HSPG2: variants seen among roughly 807,000 people sequenced by gnomAD.
The protein encoded by HSPG2 is heparan sulfate proteoglycan 2, also known as basement membrane-specific heparan sulfate proteoglycan core protein.
Under a neutral mutation model 526.6 loss-of-function variants are expected in HSPG2, and 278 were observed. The observed-to-expected ratio is 0.53, with a 90% confidence interval of 0.48 to 0.58. HSPG2 has a LOEUF of 0.58. Ranked by LOEUF, HSPG2 falls within the 20% of genes least tolerant of loss-of-function variation. The probability of loss-of-function intolerance (pLI) is 0.00; values close to 1 mark genes in which losing one functional copy is unlikely to be tolerated. For missense variants in HSPG2, 5,354 were observed against 6,099.5 expected (o/e 0.88, Z 4.07); for synonymous variants, 2,465 against 2,555.4 (o/e 0.96, Z 1.07).
chr1:21,932,649 AAG>A (rs1218239051), intron 1 of HSPG2, among the ~76,000 whole-genome samples: 1 of 152,214 alleles, frequency 6.6e-6, no homozygotes, highest in African/African-American at 2.4e-5. Flanking sequence ...CCATTATGGG[AAG>A]AGTGGTAAGG....
chr1:21,875,102 C>T (rs1640947753), intron 25 of HSPG2, 100 bp from the exon 26 acceptor site: 1 of 875,618 alleles, frequency 1.1e-6, no homozygotes, highest in African/African-American at 1.7e-5. Context: ...TCCCGACAGC[C>T]CTGTCACAGT....
intron 25 of HSPG2, among the ~76,000 whole-genome samples, chr1:21,875,393 G>T (rs895424762): frequency 6.6e-6 from 1 of 151,986 alleles, no homozygotes; most frequent in African/African-American, 2.4e-5. Flanking sequence ...CCCCCCTCCT[G>T]CGTCCCTCTC....
chr1:21,828,059 G>A lies in HSPG2; in HGVS notation c.12503C>T (p.Pro4168Leu). 1 of 1,613,638 alleles carries A rather than the reference G, an allele frequency of 6.2e-7. No homozygotes were observed. The highest frequency in any genetic ancestry group is 1.1e-5 in the South Asian group (1 of 91,088). Reference protein sequence around the residue: ...TCQGTRCLCLPGFSGPRCQQG... With the variant: ...TCQGTRCLCLLGFSGPRCQQG... ...TTGGCAGCGTGGGCCAGAGAAGCCAGGGAGGCAGAGGCAGCGGGTGCCCTG... is the reference window on the plus strand; with the variant it reads ...TTGGCAGCGTGGGCCAGAGAAGCCAAGGAGGCAGAGGCAGCGGGTGCCCTG... The change falls in exon 90 of 97, where the codon CCT (proline) becomes CTT (leucine). Residue 4168 changes from proline (P) to leucine (L), a missense_variant. Transcript: ENST00000374695. This position sits in a 1 kb window ranked among gnomAD's most constrained non-coding sequence, Gnocchi z 6.0.
chr1:21,914,967 T>C (rs1187517193), intron 1 of HSPG2, among the ~76,000 whole-genome samples: 3 of 152,230 alleles, frequency 2.0e-5, no homozygotes, highest in Admixed American at 6.5e-5. Context: ...CCACGGCCTC[T>C]GTCCTGCACT....
Position 21,865,034 on chromosome 1 carries a change from C to G in HSPG2, c.4435G>C (p.Glu1479Gln). ...TCGGCCAGTGCCATCAGGAGGTGCTCGCGTGTGGCCGGCTGCCCATCGGGC... is the reference window on the plus strand; with the variant it reads ...TCGGCCAGTGCCATCAGGAGGTGCTGGCGTGTGGCCGGCTGCCCATCGGGC... ...RRPDGQPATR[E>Q]HLLMALADLD... The change falls in exon 36 of 97, where the codon GAG becomes CAG. Residue 1479 changes from glutamate (E) to glutamine (Q), a missense_variant. Transcript: ENST00000374695. The surrounding 1 kb of genome is among the most constrained non-coding windows in gnomAD (Gnocchi z 5.4). 1 of 1,571,272 alleles carries G rather than the reference C, an allele frequency of 6.4e-7. No individual in the cohort carries two copies. Among genetic ancestry groups the G allele is most frequent in the Non-Finnish European group, 8.6e-7 (1 of 1,161,240 alleles).
intron 43 of HSPG2, 27 bp from the exon 44 acceptor site, chr1:21,857,222 T>A (rs1208877479): frequency 6.2e-7 from 1 of 1,613,892 alleles, no homozygotes; most frequent in Non-Finnish European, 8.5e-7. Flanking sequence ...AAGGGGGTCA[T>A]GGGTGGGGCT....
At chr1:21,838,683 C>T (rs908103463) in intron 74 of HSPG2, 142 bp downstream of exon 74, 22 of 856,558 alleles carry the variant, frequency 2.6e-5, no homozygotes, top group South Asian at 1.8e-4. Context: ...AAGCCTGCCT[C>T]GGGCCCTGGA....
intron 1 of HSPG2, among the ~76,000 whole-genome samples, chr1:21,916,608 C>T (rs374080812): frequency 6.6e-6 from 1 of 150,808 alleles, no homozygotes; most frequent in Non-Finnish European, 1.5e-5. Context: ...AGGAGAATTG[C>T]GTGAACCCAG....
chr1:21,824,650 C>T lies in HSPG2; in HGVS notation c.12666-35G>A, dbSNP rs1406570817. 2 of 1,613,482 alleles carry T rather than the reference C, an allele frequency of 1.2e-6. No homozygotes were observed. The highest frequency in any genetic ancestry group is 1.7e-6 in the Non-Finnish European group (2 of 1,179,756). On this transcript the variant is annotated intron_variant, in intron 92 of 96. Coordinates refer to ENST00000374695, the MANE Select transcript of HSPG2 (RefSeq NM_005529.7). The surrounding 1 kb of genome is among the most constrained non-coding windows in gnomAD (Gnocchi z 5.9). ...AAGAGCGGGTGAGGGGACAGAAGTC[C>T]CAGATTCCCATCCTCCCCATTAGGC...
intron 33 of HSPG2, among the ~76,000 whole-genome samples, chr1:21,867,451 T>C (rs1640330179): frequency 6.6e-6 from 1 of 152,186 alleles, no homozygotes; most frequent in African/African-American, 2.4e-5. Context: ...CTAGCTCTAC[T>C]GGCTATACAG....
intron 13 of HSPG2, 108 bp from the exon 14 acceptor site, chr1:21,881,610 AT>A: frequency 9.2e-7 from 1 of 1,090,024 alleles, no homozygotes; most frequent in Non-Finnish European, 1.3e-6. Flanking sequence ...TGGAAATTTG[AT>A]TTCGAGAAAA....
chr1:21,899,682 C>G (rs547978597), intron 1 of HSPG2, among the ~76,000 whole-genome samples: 1 of 152,224 alleles, frequency 6.6e-6, no homozygotes, highest in African/African-American at 2.4e-5. Flanking sequence ...CTGCATGCCA[C>G]TTTGCAATGC....
At position 21,865,680 on chromosome 1, in the gene HSPG2, C is replaced by T. The variant is rs763295004; in HGVS notation, c.4314+37G>A. On this transcript the variant is annotated intron_variant, in intron 34 of 96. Coordinates refer to ENST00000374695, the MANE Select transcript of HSPG2 (RefSeq NM_005529.7). The surrounding 1 kb of genome is among the most constrained non-coding windows in gnomAD (Gnocchi z 5.4). Reference sequence around the variant, plus strand: ...GAGGGTGCCCCTGGCTTCCATCCTGCCCTTCTGCCCACCCAGCATGGTGTC... The same window carrying T: ...GAGGGTGCCCCTGGCTTCCATCCTGTCCTTCTGCCCACCCAGCATGGTGTC... 23 of 1,528,140 alleles carry T rather than the reference C, an allele frequency of 1.5e-5. No individual in the cohort carries two copies. Among genetic ancestry groups the T allele is most frequent in the Non-Finnish European group, 1.8e-5 (20 of 1,102,214 alleles). 94.7% of individuals were successfully genotyped at this position (1,528,140 alleles called of 1,614,324 possible). A position where few individuals can be genotyped will look rare whatever the true frequency, so the allele number is the denominator to read the frequency against.
In HSPG2 at chr1:21,893,672, T is replaced by G. The variant is rs1572389795; in HGVS notation, c.244+2250A>C. Among the ~76,000 whole-genome samples the G allele has an allele frequency of 3.5e-5, 5 of 144,630 alleles. No homozygotes were observed. The highest frequency in any genetic ancestry group is 7.7e-5 in the African/African-American group (3 of 39,210). The allele number at this position is 144,630 out of a possible 152,430, so 94.9% of individuals were successfully genotyped here. On this transcript the variant is annotated intron_variant, in intron 3 of 96. Coordinates refer to ENST00000374695, the MANE Select transcript of HSPG2 (RefSeq NM_005529.7). This position sits in a 1 kb window ranked among gnomAD's most constrained non-coding sequence, Gnocchi z 4.3. ...CAGGGGCTGCCCTGAGCCTGCAGAG[T>G]AGAGACAGAGAAGGAGGCAAGAAGG...
rs747675148 is a variant in HSPG2 at position 21,842,816 on chromosome 1, T to C, written c.8864A>G (p.Gln2955Arg). The C allele has an allele frequency of 3.7e-6, 6 of 1,613,784 alleles. No homozygotes were observed. In the Admixed American group the frequency reaches 6.7e-5, roughly 18 times the overall value. The change falls in exon 67 of 97, where the codon CAG becomes CGG. Residue 2955 changes from glutamine (Q) to arginine (R), a missense_variant. By Grantham distance (43) the Gln-to-Arg change is conservative. Transcript: ENST00000374695. ...GCCCCCGCGCTTGTACCACGTGACCTGGGCATGGGCCTGCCCGGGCACCAC... is the reference window on the plus strand; with the variant it reads ...GCCCCCGCGCTTGTACCACGTGACCCGGGCATGGGCCTGCCCGGGCACCAC... ...NCVVPGQAHA[Q>R]VTWYKRGGSL...
Position 21,865,348 on chromosome 1 carries a change from T to G in HSPG2, c.4332A>C (p.Leu1444=). The change falls in exon 35 of 97, where the codon CTA becomes CTC. Residue 1444 remains leucine (L), a synonymous_variant. Coordinates refer to ENST00000374695, the MANE Select transcript of HSPG2 (RefSeq NM_005529.7). This position sits in a 1 kb window ranked among gnomAD's most constrained non-coding sequence, Gnocchi z 5.4. ...CCTGCAGCGCTGGCTGGGAGGCCAC[T>G]AGCATGATGTTGTTGCCCTGGAAAG... ...DVQITGNNIM[L]VASQPALQGP... is the part of the protein sequence containing the mutation. 1 of 1,613,926 alleles carries G rather than the reference T, an allele frequency of 6.2e-7. No homozygotes were observed. Among genetic ancestry groups the G allele is most frequent in the Non-Finnish European group, 8.5e-7 (1 of 1,179,950 alleles).
chr1:21,865,092 C>T lies in HSPG2; in HGVS notation c.4396-19G>A, dbSNP rs141591434. The T allele has an allele frequency of 4.1e-5, 64 of 1,556,834 alleles. No individual in the cohort carries two copies. In the East Asian group the frequency reaches 1.2e-3, roughly 29 times the overall value. Reference sequence around the variant, plus strand: ...AGAATTCCTGGGTTGGGGGTGGCAACGTGGGCGGGGGCAGTGGGCTTTGTG... The same window carrying T: ...AGAATTCCTGGGTTGGGGGTGGCAATGTGGGCGGGGGCAGTGGGCTTTGTG... On this transcript the variant is annotated intron_variant, in intron 35 of 96. Transcript: ENST00000374695. The surrounding 1 kb of genome is among the most constrained non-coding windows in gnomAD (Gnocchi z 5.4).
intron 17 of HSPG2, 93 bp downstream of exon 17, chr1:21,880,014 C>T: frequency 6.9e-7 from 1 of 1,444,182 alleles, no homozygotes; most frequent in East Asian, 2.3e-5. Flanking sequence ...GACAGTCATT[C>T]TGGAGGCTTG....
intron 1 of HSPG2, among the ~76,000 whole-genome samples, chr1:21,917,810 T>G (rs763386874): frequency 2.6e-5 from 4 of 152,192 alleles, no homozygotes; most frequent in Non-Finnish European, 5.9e-5. Context: ...TATAAAGACA[T>G]CCTTCTCCCT....
Sources: allele counts gnomAD v4.1 joint callset (sites outside exome capture counted in the v4.1 genomes callset), GRCh38; gene constraint gnomAD v4.1.1; non-coding constraint Gnocchi (gnomAD v3.1); transcripts MANE v1.5; gene names NCBI Gene and HGNC (gene_info 2026-07-23, HGNC 2026-07-21).